CREBBP: variants seen among roughly 807,000 people sequenced by gnomAD.
CREBBP encodes CREB binding lysine acetyltransferase, also known as CREB-binding protein.
CREBBP carries 19 observed loss-of-function variants against 265.0 expected under a neutral mutation model. That is an observed-to-expected ratio of 0.07 (90% CI 0.05 to 0.11). The LOEUF (loss-of-function observed/expected upper bound fraction) is 0.11, where lower values mean the gene tolerates loss of function less well. Ranked by LOEUF, CREBBP falls within the 10% of genes least tolerant of loss-of-function variation. The pLI is 1.00. For synonymous variants in CREBBP, 1,457 were observed against 1,223.7 expected (o/e 1.19, Z -3.98); for missense variants, 2,525 against 3,219.0 (o/e 0.78, Z 5.22).
chr16:3,839,066 G>C (rs566579286), intron 2 of CREBBP, among the ~76,000 whole-genome samples: 8 of 152,346 alleles, frequency 5.3e-5, no homozygotes, highest in African/African-American at 1.4e-4. Flanking sequence ...CTGTAAGATA[G>C]AGATTATTAT....
At chr16:3,857,044 TACCCTC>T (rs1448840944) in intron 1 of CREBBP, among the ~76,000 whole-genome samples, 7 of 152,222 alleles carry the variant, frequency 4.6e-5, no homozygotes, top group African/African-American at 1.7e-4. Flanking sequence ...TGCATCTTCA[TACCCTC>T]ACCTGTAAAA....
At chr16:3,797,643 T>G (rs1288049169) in intron 3 of CREBBP, among the ~76,000 whole-genome samples, 1 of 152,144 alleles carries the variant, frequency 6.6e-6, no homozygotes, top group East Asian at 1.9e-4. Flanking sequence ...TGCACTCACT[T>G]ATTTTGTGAT....
chr16:3,744,412 C>T (rs1204804537), intron 23 of CREBBP, among the ~76,000 whole-genome samples: 1 of 152,218 alleles, frequency 6.6e-6, no homozygotes, highest in Non-Finnish European at 1.5e-5. Context: ...GATAAATTTT[C>T]TCAGAATTTA....
At chr16:3,738,824 C>A in intron 25 of CREBBP, 152 bp from the exon 26 acceptor site, 1 of 662,108 alleles carries the variant, frequency 1.5e-6, no homozygotes, top group Admixed American at 2.2e-5. Context: ...CAGCTCACTG[C>A]AACCTCAACC....
At chr16:3,781,336 A>G in intron 6 of CREBBP, 30 bp from the exon 7 acceptor site, 1 of 1,574,394 alleles carries the variant, frequency 6.4e-7, no homozygotes, top group Non-Finnish European at 8.7e-7. Context: ...ATCAATCAAC[A>G]GTTAAATTTT....
chr16:3,806,970 C>T (rs549726179), intron 3 of CREBBP, among the ~76,000 whole-genome samples: 1 of 152,276 alleles, frequency 6.6e-6, no homozygotes, highest in Admixed American at 6.5e-5. Context: ...TCTGATGGCT[C>T]CATCTAAAGA....
chr16:3,849,363 A>AG (rs1467528076), intron 2 of CREBBP, among the ~76,000 whole-genome samples: 3 of 138,936 alleles, frequency 2.2e-5, no homozygotes, highest in Admixed American at 7.3e-5. Flanking sequence ...GCCTTTCCCT[A>AG]GCAGAGCTCT....
intron 16 of CREBBP, among the ~76,000 whole-genome samples, chr16:3,759,404 C>T (rs1351004802): frequency 1.3e-5 from 2 of 151,972 alleles, no homozygotes; most frequent in Non-Finnish European, 2.9e-5. Flanking sequence ...GCCTGACCAA[C>T]GTAGTGAAAC....
In CREBBP at chr16:3,879,999, T is replaced by C. The variant is rs771752662; in HGVS notation, c.-83A>G. 1 of 1,373,120 alleles carries C rather than the reference T, an allele frequency of 7.3e-7. No homozygotes were observed. The highest frequency in any genetic ancestry group is 2.8e-5 in the East Asian group (1 of 35,864). 85.1% of individuals were successfully genotyped at this position (1,373,120 alleles called of 1,614,324 possible). A position where few individuals can be genotyped will look rare whatever the true frequency, so the allele number is the denominator to read the frequency against. ...GACGGGGGTCGGGGGCCCTGCCGGC[T>C]GCGAGGGAGAGGAGCGAGCGCGGGC... On this transcript the variant is annotated 5_prime_UTR_variant, in exon 1 of 31. Transcript: ENST00000262367.
intron 2 of CREBBP, among the ~76,000 whole-genome samples, chr16:3,827,455 A>T (rs1247164120): frequency 1.3e-5 from 2 of 152,086 alleles, no homozygotes; most frequent in Non-Finnish European, 2.9e-5. Flanking sequence ...GCAGTGACGC[A>T]ATCTCGGCTC....
Position 3,854,804 on chromosome 16 carries a change from A to C in CREBBP, c.86-3795T>G, listed in dbSNP as rs1473149975. 5.3e-5 allele frequency among the ~76,000 whole-genome samples: 8 copies of C among 152,228 alleles called. No homozygotes were observed. In the East Asian group the frequency reaches 1.5e-3, roughly 29 times the overall value. On this transcript the variant is annotated intron_variant, in intron 1 of 30. Transcript: ENST00000262367. ...GCAGAACAGACCAGTCCCTCTTGTC[A>C]GTCTAGAAAACCACGTCTAACACAC... is the stretch of plus-strand genomic sequence containing the variant.
rs1443799795 is a variant in CREBBP, at chr16:3,731,496, G to A, written c.4891-23C>T. ...GACCTGCAGGAGAGGAGGGGCTTTA[G>A]TCCCACACAAGGGACATGGCACCTC... On this transcript the variant is annotated intron_variant, in intron 29 of 30. Transcript: ENST00000262367. This position sits in a 1 kb window ranked among gnomAD's most constrained non-coding sequence, Gnocchi z 7.7. 3.8e-6 allele frequency: 6 copies of A among 1,565,910 alleles called. 1 individual carries two copies. The highest frequency in any genetic ancestry group is 2.7e-5 in the African/African-American group (2 of 74,404).
rs142932907 is a variant in CREBBP at position 3,774,613 on chromosome 16, T to C, written c.2239A>G (p.Met747Val). The C allele has an allele frequency of 1.7e-4, 272 of 1,614,168 alleles. 1 individual carries two copies. The highest frequency in any genetic ancestry group is 5.5e-4 in the African/African-American group (41 of 75,038). ...CTGTTCATCTGGACAGAGTGGTTCATTGGGGAGGCTGCACGAGGTCCCATG... is the reference window on the plus strand; with the variant it reads ...CTGTTCATCTGGACAGAGTGGTTCACTGGGGAGGCTGCACGAGGTCCCATG... Reference protein sequence around the residue: ...APMGPRAASPMNHSVQMNSMG... With the variant: ...APMGPRAASPVNHSVQMNSMG... The change falls in exon 12 of 31, where the codon ATG becomes GTG. Residue 747 changes from methionine to valine, a missense_variant. By Grantham distance (21) the Met-to-Val change is conservative (BLOSUM62 1). This residue lies in a region of CREBBP where 548 missense variants were observed against 533.0 expected (regional missense o/e 1.03). Transcript: ENST00000262367.
chr16:3,876,985 C>A (rs972293326), intron 1 of CREBBP, among the ~76,000 whole-genome samples: 1 of 152,188 alleles, frequency 6.6e-6, no homozygotes, highest in African/African-American at 2.4e-5. Flanking sequence ...CTCACTGCCA[C>A]CCTTCACAGA....
rs141560963 is a variant in CREBBP, at chr16:3,868,507, C to T, written c.85+11325G>A. 3.0e-3 allele frequency among the ~76,000 whole-genome samples: 449 copies of T among 152,194 alleles called. 15 individuals carry two copies. Among genetic ancestry groups the T allele is most frequent in the African/African-American group, 6.3e-3 (261 of 41,510 alleles). On this transcript the variant is annotated intron_variant, in intron 1 of 30. Transcript: ENST00000262367. ...GGAGCTCCCCCAATCACTCTGGACA[C>T]GGGTTTTTTAAAGCTTAATTTTGTT...
At chr16:3,858,487 C>T (rs997286400) in intron 1 of CREBBP, among the ~76,000 whole-genome samples, 2 of 152,196 alleles carry the variant, frequency 1.3e-5, no homozygotes, top group Non-Finnish European at 2.9e-5. Context: ...AACAATTTCA[C>T]GTTATAACGT....
At chr16:3,825,740 T>C (rs1414388981) in intron 2 of CREBBP, among the ~76,000 whole-genome samples, 2 of 152,248 alleles carry the variant, frequency 1.3e-5, no homozygotes, top group Non-Finnish European at 2.9e-5. Flanking sequence ...CTCTTGTTTC[T>C]GAGATTCAGC....
intron 2 of CREBBP, among the ~76,000 whole-genome samples, chr16:3,822,189 A>G (rs2141382818): frequency 6.6e-6 from 1 of 152,180 alleles, no homozygotes; most frequent in African/African-American, 2.4e-5. Flanking sequence ...GACCTTCCAC[A>G]TAGAGCGCTC....
At chr16:3,770,104 C>T (rs923431751) in intron 14 of CREBBP, among the ~76,000 whole-genome samples, 16 of 152,188 alleles carry the variant, frequency 1.1e-4, no homozygotes, top group Middle Eastern at 3.4e-3. Flanking sequence ...TCCTGAGCTC[C>T]GGTGATCCGC....
Sources: allele counts gnomAD v4.1 joint callset (sites outside exome capture counted in the v4.1 genomes callset), GRCh38; gene constraint gnomAD v4.1.1; regional missense constraint gnomAD v4.1.1; non-coding constraint Gnocchi (gnomAD v3.1); transcripts MANE v1.5; gene names NCBI Gene and HGNC (gene_info 2026-07-23, HGNC 2026-07-21).